The following FAM107A variants were observed in gnomAD, a reference collection of about 807,000 sequenced individuals.
FAM107A encodes actin-associated protein FAM107A.
FAM107A carries 19 observed loss-of-function variants against 13.7 expected under a neutral mutation model. That is an observed-to-expected ratio of 1.38 (90% CI 0.97 to 2.03). The LOEUF is 2.03. Among genes scored for constraint, FAM107A ranks in the 30% most tolerant of loss-of-function variants. The probability of loss-of-function intolerance (pLI) is 0.00; values close to 1 mark genes in which losing one functional copy is unlikely to be tolerated. For synonymous variants in FAM107A, 82 were observed against 74.5 expected, an observed-to-expected ratio of 1.10 and a Z score of -0.52; for missense variants, 203 against 184.4, an observed-to-expected ratio of 1.10 and a Z score of -0.58.
chr3:58,619,897 A>T (rs888134251), intron 1 of FAM107A, among the ~76,000 whole-genome samples: 1 of 151,898 alleles, frequency 6.6e-6, no homozygotes, highest in African/African-American at 2.4e-5. Context: ...CAGGGTGGGG[A>T]ATGTGAGAAT....
In FAM107A at chr3:58,608,730, T is replaced by C. The variant is rs532803681; in HGVS notation, c.-70+18686A>G. 2 of 152,414 alleles carry C rather than the reference T, an allele frequency of 1.3e-5. 1 individual carries two copies. Among genetic ancestry groups the C allele is most frequent in the Middle Eastern group, 6.8e-3 (2 of 296 alleles). 9.4% of individuals were successfully genotyped at this position (152,414 alleles called of 1,614,324 possible). A position where few individuals can be genotyped will look rare whatever the true frequency, so the allele number is the denominator to read the frequency against. On this transcript the variant is annotated intron_variant, in intron 1 of 3. Transcript: ENST00000465970. ...TGGGGGACACCTGGGCTTTCTGGAA[T>C]GAGGCAAAGGCAAGGAAATCAGCAG...
At chr3:58,597,386 G>A (rs2065716759) in intron 1 of FAM107A, among the ~76,000 whole-genome samples, 1 of 152,176 alleles carries the variant, frequency 6.6e-6, no homozygotes, top group Non-Finnish European at 1.5e-5. Context: ...GGAGGAGGGA[G>A]GTGTTAGCAA....
rs2063656518 is a variant in FAM107A at position 58,569,262 on chromosome 3, C to T, written c.170+429G>A. 6.6e-6 allele frequency among the ~76,000 whole-genome samples: 1 copy of T among 152,178 alleles called. No individual in the cohort carries two copies. Among genetic ancestry groups the T allele is most frequent in the African/African-American group, 2.4e-5 (1 of 41,442 alleles). ...CCGCTCCTGTGAAGTCATTTTAGACCCCTCTCGGGTTCCTCCTCTGGGGTC... is the reference window on the plus strand; with the variant it reads ...CCGCTCCTGTGAAGTCATTTTAGACTCCTCTCGGGTTCCTCCTCTGGGGTC... On this transcript the variant is annotated intron_variant, in intron 2 of 3. Coordinates refer to ENST00000360997, the MANE Select transcript of FAM107A (RefSeq NM_001076778.3). This position sits in a 1 kb window ranked among gnomAD's most constrained non-coding sequence, Gnocchi z 5.7.
At chr3:58,620,727 C>T (rs1043459767) in intron 1 of FAM107A, among the ~76,000 whole-genome samples, 6 of 152,238 alleles carry the variant, frequency 3.9e-5, no homozygotes, top group Admixed American at 1.3e-4. Context: ...CTAACCCGTT[C>T]TCTTGTTGCC....
chr3:58,606,180 C>T (rs1242069094), intron 1 of FAM107A, among the ~76,000 whole-genome samples: 3 of 152,218 alleles, frequency 2.0e-5, no homozygotes, highest in African/African-American at 7.2e-5. Context: ...ACTACAACCT[C>T]TGTCTCCCAG....
At chr3:58,587,190 C>T (rs2065617156), upstream of FAM107A, 8 of 1,113,932 alleles carry the variant, frequency 7.2e-6, no homozygotes, top group Non-Finnish European at 8.2e-6. Flanking sequence ...GCAGTGAGGA[C>T]TCCTAGCCCC....
At chr3:58,575,389 G>T (rs1279248073) in intron 1 of FAM107A, among the ~76,000 whole-genome samples, 1 of 152,130 alleles carries the variant, frequency 6.6e-6, no homozygotes, top group Non-Finnish European at 1.5e-5. Flanking sequence ...ACAAACTATG[G>T]TACTTCTGTC....
exon 1 of FAM107A, chr3:58,587,103 C>A (rs1246953075): frequency 1.5e-6 from 2 of 1,365,700 alleles, no homozygotes; most frequent in African/African-American, 3.1e-5. Flanking sequence ...GAGGAGACGC[C>A]GCCGGGGGAA....
chr3:58,567,331 C>T lies in FAM107A; in HGVS notation c.204G>A (p.Gln68=), dbSNP rs779919327. 6.2e-7 allele frequency: 1 copy of T among 1,611,964 alleles called. No individual in the cohort carries two copies. Among genetic ancestry groups the T allele is most frequent in the South Asian group, 1.1e-5 (1 of 90,706 alleles). Residue 68 remains glutamine, a synonymous_variant, in exon 3 of 4, where the codon CAG becomes CAA. Coordinates refer to ENST00000360997, the MANE Select transcript of FAM107A (RefSeq NM_001076778.3). ...TCCGCCGGCGGTGCTCTAGGACACG[C>T]TGCAGCTCTGGCTTGCTGTCCACAC... ...GLGVDSKPEL[Q]RVLEHRRRNQ...
At chr3:58,609,780 C>A (rs765876639) in intron 1 of FAM107A, among the ~76,000 whole-genome samples, 1 of 152,162 alleles carries the variant, frequency 6.6e-6, no homozygotes, top group Non-Finnish European at 1.5e-5. Flanking sequence ...GGCCCAGAAT[C>A]CCCCCATGAG....
intron 1 of FAM107A, among the ~76,000 whole-genome samples, chr3:58,596,249 C>A (rs978413146): frequency 6.6e-6 from 1 of 152,202 alleles, no homozygotes; most frequent in Non-Finnish European, 1.5e-5. Context: ...CCTATTGCTT[C>A]TCCTAGAGGC....
chr3:58,593,185 A>G (rs952829166), intron 1 of FAM107A, among the ~76,000 whole-genome samples: 3 of 152,190 alleles, frequency 2.0e-5, no homozygotes, highest in African/African-American at 4.8e-5. Context: ...GGAAGTCGCA[A>G]GTGCTCTCCC....
At chr3:58,608,322 G>T (rs780631187) in intron 1 of FAM107A, among the ~76,000 whole-genome samples, 4 of 152,070 alleles carry the variant, frequency 2.6e-5, no homozygotes, top group Non-Finnish European at 4.4e-5. Flanking sequence ...GAATTACCTT[G>T]ATAAACAGAA....
At chr3:58,576,930 T>C (rs1158653973) in intron 1 of FAM107A, among the ~76,000 whole-genome samples, 5 of 152,232 alleles carry the variant, frequency 3.3e-5, no homozygotes, top group Admixed American at 1.3e-4. Flanking sequence ...AGCCAAACTC[T>C]GAAGCTGAAA....
At chr3:58,620,423 A>G (rs1039931889) in intron 1 of FAM107A, among the ~76,000 whole-genome samples, 5 of 152,194 alleles carry the variant, frequency 3.3e-5, no homozygotes, top group South Asian at 2.1e-4. Flanking sequence ...TTGTCCACTT[A>G]TCTAAGCCCC....
At chr3:58,584,125 C>T (rs2065577994) in intron 1 of FAM107A, among the ~76,000 whole-genome samples, 1 of 152,086 alleles carries the variant, frequency 6.6e-6, no homozygotes, top group Non-Finnish European at 1.5e-5. Context: ...AGCCAGAGAG[C>T]GGGTCCAGAG....
chr3:58,579,884 C>G (rs2065511656), upstream of FAM107A, among the ~76,000 whole-genome samples: 1 of 152,234 alleles, frequency 6.6e-6, no homozygotes, highest in Admixed American at 6.5e-5. Context: ...CACAGTCCAA[C>G]TTGTATACAA....
intron 1 of FAM107A, among the ~76,000 whole-genome samples, chr3:58,575,893 A>C (rs1234205151): frequency 6.6e-6 from 1 of 152,148 alleles, no homozygotes; most frequent in East Asian, 1.9e-4. Context: ...CTGTGCCCCC[A>C]CTTCCTCATT....
chr3:58,588,313 T>C (rs954013781), upstream of FAM107A, among the ~76,000 whole-genome samples: 16 of 152,356 alleles, frequency 1.1e-4, no homozygotes, highest in Admixed American at 3.9e-4. Context: ...CACCTCCCTT[T>C]GCGGCCTGTT....
Sources: allele counts gnomAD v4.1 joint callset (sites outside exome capture counted in the v4.1 genomes callset), GRCh38; gene constraint gnomAD v4.1.1; non-coding constraint Gnocchi (gnomAD v3.1); transcripts MANE v1.5; gene names NCBI Gene and HGNC (gene_info 2026-07-23, HGNC 2026-07-21).